The following RSPRY1 variants were observed in gnomAD, a reference collection of about 807,000 sequenced individuals.
RSPRY1 encodes the protein ring finger and SPRY domain containing 1.
A neutral mutation model predicts 73.1 loss-of-function variants in RSPRY1; 23 were observed. That is an observed-to-expected ratio of 0.31 (90% CI 0.23 to 0.45). The LOEUF is 0.45. RSPRY1 is among the 20% of genes least tolerant of loss of function. The pLI is 1.00. For missense variants in RSPRY1, 448 were observed against 698.7 expected (o/e 0.64, Z 4.05); for synonymous variants, 226 against 251.4 (o/e 0.90, Z 0.95).
At chr16:57,197,720 TG>T (rs2074476890) in intron 1 of RSPRY1, among the ~76,000 whole-genome samples, 1 of 152,206 alleles carries the variant, frequency 6.6e-6, no homozygotes, top group African/African-American at 2.4e-5. Context: ...TTTTTGTTTT[TG>T]TTTTTGTTTT....
intron 1 of RSPRY1, among the ~76,000 whole-genome samples, chr16:57,192,491 C>T (rs1255549293): frequency 1.3e-5 from 2 of 152,096 alleles, no homozygotes; most frequent in Admixed American, 6.5e-5. Flanking sequence ...ATTTACTTCC[C>T]CTTTTTTACT....
chr16:57,228,358 GA>G (rs113823354), intron 11 of RSPRY1, among the ~76,000 whole-genome samples: 1 of 151,142 alleles, frequency 6.6e-6, no homozygotes, highest in African/African-American at 2.4e-5. Context: ...GGTGGTGTGG[GA>G]AAAAAATCAG....
intron 7 of RSPRY1, chr16:57,216,438 A>G: frequency 2.3e-6 from 1 of 429,674 alleles, no homozygotes; most frequent in Non-Finnish European, 4.1e-6. Context: ...GTTTCTAGAA[A>G]AAAGTATGGT....
At chr16:57,207,077 A>G (rs1335525444) in intron 2 of RSPRY1, among the ~76,000 whole-genome samples, 4 of 152,230 alleles carry the variant, frequency 2.6e-5, no homozygotes, top group Non-Finnish European at 5.9e-5. Context: ...GTTCTTACAA[A>G]CAGCACTGCA....
chr16:57,206,011 T>C (rs1480607960), intron 2 of RSPRY1, among the ~76,000 whole-genome samples: 1 of 152,234 alleles, frequency 6.6e-6, no homozygotes, highest in Non-Finnish European at 1.5e-5. Flanking sequence ...CCTCAAAAAT[T>C]AAGCATAAAA....
rs532036443 is a variant in RSPRY1, at chr16:57,237,707, TTTTA to T, written c.1635-1156_1635-1153del. Among the ~76,000 whole-genome samples, 25 of 151,784 alleles carry T rather than the reference TTTTA, an allele frequency of 1.6e-4. No individual in the cohort carries two copies. In the South Asian group the frequency reaches 4.8e-3, roughly 29 times the overall value. On this transcript the variant is annotated intron_variant, in intron 14 of 14. Transcript: ENST00000394420. Reference sequence around the variant, plus strand: ...TTTTTATTTTTATTTATTTATTTATTTTTATTTATTTATTTATTTTTTGAGACGG... The same window carrying T: ...TTTTTATTTTTATTTATTTATTTATTTTTATTTATTTATTTTTTGAGACGG...
chr16:57,190,008 C>G (rs993209778), intron 1 of RSPRY1, among the ~76,000 whole-genome samples: 1 of 152,144 alleles, frequency 6.6e-6, no homozygotes, highest in East Asian at 1.9e-4. Context: ...TTCTTTCACA[C>G]TCTATATAGT....
chr16:57,222,169 CT>C (rs1300180451), intron 10 of RSPRY1, among the ~76,000 whole-genome samples: 3 of 152,186 alleles, frequency 2.0e-5, no homozygotes, highest in Admixed American at 6.5e-5. Context: ...TAGCCCCCCC[CT>C]CCAATATGTA....
intron 11 of RSPRY1, among the ~76,000 whole-genome samples, chr16:57,228,406 G>A (rs2075154753): frequency 6.6e-6 from 1 of 151,810 alleles, no homozygotes; most frequent in African/African-American, 2.4e-5. Flanking sequence ...ATGGCTTGCA[G>A]GTTCTTGAAG....
chr16:57,213,743 G>A, intron 5 of RSPRY1, 145 bp from the exon 6 acceptor site: 1 of 673,554 alleles, frequency 1.5e-6, no homozygotes, highest in African/African-American at 1.8e-5. Flanking sequence ...GTGAAATGGA[G>A]CTAGTACTAT....
At chr16:57,207,608 T>C (rs879609522) in intron 2 of RSPRY1, 1 of 456,224 alleles carries the variant, frequency 2.2e-6, no homozygotes, top group Non-Finnish European at 4.4e-6. Context: ...AACTTCAAAA[T>C]GAAGATGCGT....
chr16:57,203,401 A>C (rs1291534910), intron 1 of RSPRY1, among the ~76,000 whole-genome samples: 1 of 152,240 alleles, frequency 6.6e-6, no homozygotes, highest in African/African-American at 2.4e-5. Flanking sequence ...TGCTCAAGGT[A>C]TGAGGAATTA....
intron 1 of RSPRY1, among the ~76,000 whole-genome samples, chr16:57,196,089 C>G (rs981604705): frequency 6.7e-6 from 1 of 149,514 alleles, no homozygotes; most frequent in Non-Finnish European, 1.5e-5. Flanking sequence ...ATAATCTCAT[C>G]TTACTCATTT....
chr16:57,236,084 A>G (rs540737031), intron 14 of RSPRY1, among the ~76,000 whole-genome samples: 6 of 152,296 alleles, frequency 3.9e-5, no homozygotes, highest in African/African-American at 1.4e-4. Context: ...AATCCTCCCT[A>G]TTACTTCTAC....
At chr16:57,221,100 C>A (rs1356141905) in intron 9 of RSPRY1, among the ~76,000 whole-genome samples, 172 bp from the exon 10 acceptor site, 4 of 152,116 alleles carry the variant, frequency 2.6e-5, no homozygotes, top group Non-Finnish European at 4.4e-5. Context: ...TTGCCAAATG[C>A]CTTATGTAGT....
intron 1 of RSPRY1, among the ~76,000 whole-genome samples, chr16:57,189,660 C>T (rs556536884): frequency 4.8e-5 from 7 of 144,990 alleles, no homozygotes; most frequent in Admixed American, 1.4e-4. Flanking sequence ...GGTGCAATCA[C>T]GGCTCACAGA....
At chr16:57,216,061 G>A (rs765542057) in intron 6 of RSPRY1, 46 bp from the exon 7 acceptor site, 1 of 1,347,244 alleles carries the variant, frequency 7.4e-7, no homozygotes, top group Middle Eastern at 1.8e-4. Flanking sequence ...CACCTCTGCA[G>A]GGGAATGATT....
At chr16:57,213,147 A>G (rs2074876399) in intron 5 of RSPRY1, 49 bp downstream of exon 5, 5 of 1,560,140 alleles carry the variant, frequency 3.2e-6, no homozygotes, top group Non-Finnish European at 4.3e-6. Context: ...GTTTGACATT[A>G]AAGGGAAATT....
At chr16:57,187,606 C>T (rs1448169809) in intron 1 of RSPRY1, among the ~76,000 whole-genome samples, 1 of 152,194 alleles carries the variant, frequency 6.6e-6, no homozygotes, top group African/African-American at 2.4e-5. Context: ...TAGTGTGATT[C>T]TACCACCAAA....
Sources: gnomAD v4.1 joint callset for allele counts (sites outside exome capture counted in the v4.1 genomes callset) on GRCh38, gnomAD v4.1.1 for gene constraint, MANE v1.5 for transcripts, NCBI Gene and HGNC (gene_info 2026-07-23, HGNC 2026-07-21) for gene names.